EXTL3: variants seen among roughly 807,000 people sequenced by gnomAD.
EXTL3 encodes exostosin like glycosyltransferase 3.
A neutral mutation model predicts 69.3 loss-of-function variants in EXTL3; 27 were observed. The observed-to-expected ratio is 0.39, with a 90% CI of 0.29 to 0.54. The LOEUF (loss-of-function observed/expected upper bound fraction) is 0.54, where lower values mean the gene tolerates loss of function less well. EXTL3 is among the 20% of genes least tolerant of loss of function. The pLI, the probability that EXTL3 is intolerant of heterozygous loss-of-function variation, is 0.69. For synonymous variants in EXTL3, 511 were observed against 499.4 expected, an observed-to-expected ratio of 1.02 and a Z score of -0.31; for missense variants, 1,003 against 1,231.8, an observed-to-expected ratio of 0.81 and a Z score of 2.78.
chr8:28,623,494 C>T lies in EXTL3; in HGVS notation c.-53+684C>T, dbSNP rs1192620494. 2.6e-5 allele frequency among the ~76,000 whole-genome samples: 4 copies of T among 152,168 alleles called. No homozygotes were observed. The highest frequency in any genetic ancestry group is 4.8e-5 in the African/African-American group (2 of 41,448). Reference sequence around the variant, plus strand: ...AATGCTGAGTTTTGTTGGTGTTTGTCCTCAGCCTGTTTCTGGGTCACCCTG... The same window carrying T: ...AATGCTGAGTTTTGTTGGTGTTTGTTCTCAGCCTGTTTCTGGGTCACCCTG... On this transcript the variant is annotated intron_variant, in intron 1 of 6. Transcript: ENST00000523149. This position sits in a 1 kb window ranked among gnomAD's most constrained non-coding sequence, Gnocchi z 4.2.
In EXTL3 at chr8:28,716,419, C is replaced by T; in HGVS notation, c.360C>T (p.Ser120=). The part of the protein sequence containing the change: ...LNLKIEACKK[S]IENAKQDLLQ... ...TGAAGATCGAAGCCTGTAAGAAGAGCATTGAGAACGCCAAGCAGGACCTGC... is the reference window on the plus strand; with the variant it reads ...TGAAGATCGAAGCCTGTAAGAAGAGTATTGAGAACGCCAAGCAGGACCTGC... Residue 120 remains serine, a synonymous_variant, in exon 3 of 7, where the codon AGC becomes AGT. Coordinates refer to ENST00000220562, the MANE Select transcript of EXTL3 (RefSeq NM_001440.4). The surrounding 1 kb of genome is among the most constrained non-coding windows in gnomAD (Gnocchi z 7.1). 6.2e-7 allele frequency: 1 copy of T among 1,613,794 alleles called. No homozygotes were observed. Among genetic ancestry groups the T allele is most frequent in the Non-Finnish European group, 8.5e-7 (1 of 1,179,958 alleles).
chr8:28,625,006 A>G (rs1806469947), intron 1 of EXTL3, among the ~76,000 whole-genome samples: 1 of 152,264 alleles, frequency 6.6e-6, no homozygotes, highest in African/African-American at 2.4e-5. Flanking sequence ...CAATCTTCCA[A>G]TGCCTGTATG....
chr8:28,638,735 G>A lies in EXTL3; in HGVS notation c.-53+15925G>A, dbSNP rs147128862. 3.4e-4 allele frequency among the ~76,000 whole-genome samples: 51 copies of A among 152,180 alleles called. No homozygotes were observed. The East Asian group carries it at 9.3e-3, about 28-fold the overall frequency. Reference sequence around the variant, plus strand: ...CAGTCTCTGCCTCCCGGGTTCGAGCGATTCTTCTGCCTCAGCCTCCTGAGT... The same window carrying A: ...CAGTCTCTGCCTCCCGGGTTCGAGCAATTCTTCTGCCTCAGCCTCCTGAGT... On this transcript the variant is annotated intron_variant, in intron 1 of 6. Transcript: ENST00000523149.
At chr8:28,685,047 G>A (rs1000903972) in intron 1 of EXTL3, among the ~76,000 whole-genome samples, 1 of 114,408 alleles carries the variant, frequency 8.7e-6, no homozygotes, top group Non-Finnish European at 1.9e-5. Context: ...TGTCTCCTGG[G>A]TTCAAGCGAT....
chr8:28,667,185 T>C (rs1807210204), intron 1 of EXTL3, among the ~76,000 whole-genome samples: 3 of 152,206 alleles, frequency 2.0e-5, no homozygotes, highest in East Asian at 1.9e-4. Context: ...GACTATTGCA[T>C]TGGGGGTCAA....
intron 1 of EXTL3, among the ~76,000 whole-genome samples, chr8:28,671,991 A>G (rs927186265): frequency 3.3e-5 from 5 of 152,116 alleles, no homozygotes; most frequent in Non-Finnish European, 5.9e-5. Flanking sequence ...CAAAACAAAA[A>G]CTTATGTTCC....
In EXTL3 at chr8:28,746,261, G is replaced by A. The variant is rs1052375338; in HGVS notation, c.2550+3047G>A. 2.0e-5 allele frequency among the ~76,000 whole-genome samples: 3 copies of A among 152,176 alleles called. 1 individual carries two copies. The highest frequency in any genetic ancestry group is 2.0e-4 in the Admixed American group (3 of 15,274). ...ATTGACTAACGAATGGGGAGTTAAT[G>A]TCATATTATTTCTTTGAATAATGTA... On this transcript the variant is annotated intron_variant, in intron 6 of 6. Transcript: ENST00000220562.
upstream of EXTL3, among the ~76,000 whole-genome samples, chr8:28,619,470 G>A (rs374323924): frequency 6.6e-6 from 1 of 151,756 alleles, no homozygotes; most frequent in African/African-American, 2.4e-5. Flanking sequence ...CGGGTGTGTC[G>A]GGGCTACCTG....
chr8:28,715,847 A>T lies in EXTL3; in HGVS notation c.-213A>T. 1.7e-6 allele frequency: 1 copy of T among 582,484 alleles called. No individual in the cohort carries two copies. Among genetic ancestry groups the T allele is most frequent in the East Asian group, 2.8e-5 (1 of 35,554 alleles). 36.1% of individuals were successfully genotyped at this position (582,484 alleles called of 1,614,324 possible). On this transcript the variant is annotated 5_prime_UTR_variant, in exon 3 of 7. Coordinates refer to ENST00000220562, the MANE Select transcript of EXTL3 (RefSeq NM_001440.4). ...ATTAAGGACATGTTCTTTGGTCAAC[A>T]GCCAGAACTTAAAATCTGCTGGAAT... is the stretch of plus-strand genomic sequence containing the variant.
intron 1 of EXTL3, among the ~76,000 whole-genome samples, chr8:28,693,646 C>T (rs1264295040): frequency 6.6e-6 from 1 of 152,164 alleles, no homozygotes; most frequent in African/African-American, 2.4e-5. Context: ...ATCTGTGAGC[C>T]ACCCAAATGG....
rs116655880 is a variant in EXTL3 at position 28,735,142 on chromosome 8, A to G, written c.2277-2377A>G. On this transcript the variant is annotated intron_variant, in intron 4 of 6. Transcript: ENST00000220562. ...TAGCTGACTCTCTCCACTTGTTTTT[A>G]TGAAAGGAAAAAAGCCATGCAGTAA... Among the ~76,000 whole-genome samples the G allele has an allele frequency of 4.3e-3, 657 of 151,758 alleles. 8 individuals are homozygous for G. The highest frequency in any genetic ancestry group is 0.015 in the African/African-American group (627 of 41,328).
At chr8:28,679,854 A>G (rs140587537) in intron 1 of EXTL3, among the ~76,000 whole-genome samples, 1,655 of 152,268 alleles carry the variant, frequency 0.011, 25 homozygotes, top group South Asian at 0.072. Flanking sequence ...TTGTCTCACT[A>G]TTCAATTCCA....
chr8:28,629,840 T>C (rs1806546453), intron 1 of EXTL3, among the ~76,000 whole-genome samples: 1 of 151,998 alleles, frequency 6.6e-6, no homozygotes, highest in Admixed American at 6.6e-5. Flanking sequence ...CAGTGATACA[T>C]GCAGCAGAAA....
intron 1 of EXTL3, among the ~76,000 whole-genome samples, chr8:28,679,261 C>G (rs1807439768): frequency 6.6e-6 from 1 of 152,108 alleles, no homozygotes; most frequent in Non-Finnish European, 1.5e-5. Flanking sequence ...TCCTGGCTAA[C>G]ATGGTGAAAT....
intron 1 of EXTL3, among the ~76,000 whole-genome samples, chr8:28,664,359 ATCTT>A (rs879745060): frequency 6.7e-6 from 1 of 150,048 alleles, no homozygotes; most frequent in Non-Finnish European, 1.5e-5. Flanking sequence ...CAGAGACAGA[ATCTT>A]TCTTTCCATC....
Position 28,725,319 on chromosome 8 carries a change from C to T in EXTL3, c.2149-5904C>T, listed in dbSNP as rs556946051. ...GAATGATATTGTGCAGAAGAGCTAG[C>T]GAGGCACCGTCAGGGAGCCCTGTGT... On this transcript the variant is annotated intron_variant, in intron 3 of 6. Coordinates refer to ENST00000220562, the MANE Select transcript of EXTL3 (RefSeq NM_001440.4). Among the ~76,000 whole-genome samples, 3 of 152,032 alleles carry T rather than the reference C, an allele frequency of 2.0e-5. No homozygotes were observed. The South Asian group carries it at 6.2e-4, about 32-fold the overall frequency.
chr8:28,675,260 T>C (rs1807361691), intron 1 of EXTL3, among the ~76,000 whole-genome samples: 1 of 152,144 alleles, frequency 6.6e-6, no homozygotes, highest in African/African-American at 2.4e-5. Flanking sequence ...TATGGGCTGC[T>C]TTCTCCAAAA....
chr8:28,743,971 T>A (rs988881622), intron 6 of EXTL3: 2 of 152,720 alleles, frequency 1.3e-5, no homozygotes, highest in African/African-American at 4.8e-5. Context: ...TCTGAGGGTA[T>A]TGTTGTGTTT....
At chr8:28,670,924 A>G (rs1240647115) in intron 1 of EXTL3, among the ~76,000 whole-genome samples, 1 of 152,020 alleles carries the variant, frequency 6.6e-6, no homozygotes, top group East Asian at 1.9e-4. Context: ...AGAGAATAGA[A>G]TGAGAGCAAA....
Sources: allele counts gnomAD v4.1 joint callset (sites outside exome capture counted in the v4.1 genomes callset), GRCh38; gene constraint gnomAD v4.1.1; non-coding constraint Gnocchi (gnomAD v3.1); transcripts MANE v1.5; gene names NCBI Gene and HGNC (gene_info 2026-07-23, HGNC 2026-07-21).